ZNF287: variants seen among roughly 807,000 people sequenced by gnomAD.
The protein encoded by ZNF287 is zinc finger protein 287.
Under a neutral mutation model 73.7 loss-of-function variants are expected in ZNF287, and 31 were observed. The ratio of observed to expected loss-of-function variants is 0.42; its 90% confidence interval spans 0.32 to 0.57. The LOEUF is 0.57. Among genes scored for constraint, ZNF287 ranks in the 20% least tolerant of loss-of-function variants. ZNF287 has a pLI of 0.13. For synonymous variants in ZNF287, 301 were observed against 307.2 expected (o/e 0.98, Z 0.21); for missense variants, 641 against 909.3 (o/e 0.70, Z 3.79).
Position 16,548,748 on chromosome 17 carries a change from C to T in ZNF287, c.*3108G>A, listed in dbSNP as rs759974820. Among the ~76,000 whole-genome samples, 2 of 152,018 alleles carry T rather than the reference C, an allele frequency of 1.3e-5. No individual in the cohort carries two copies. Among genetic ancestry groups the T allele is most frequent in the Admixed American group, 6.6e-5 (1 of 15,254 alleles). ...CTGGGAGGCGGACCTTGCAGTGAGCCGAGATTGCACCACTGCACTCTGGCC... is the reference window on the plus strand; with the variant it reads ...CTGGGAGGCGGACCTTGCAGTGAGCTGAGATTGCACCACTGCACTCTGGCC... On this transcript the variant is annotated 3_prime_UTR_variant, in exon 6 of 6. Coordinates refer to ENST00000395825, the MANE Select transcript of ZNF287 (RefSeq NM_020653.4).
chr17:16,558,792 C>T (rs944248780), intron 5 of ZNF287, among the ~76,000 whole-genome samples: 5 of 152,168 alleles, frequency 3.3e-5, no homozygotes, highest in African/African-American at 1.2e-4. Flanking sequence ...GTCTGGGAAA[C>T]ATGGCAAGAC....
At chr17:16,563,658 G>A (rs1907576894) in intron 4 of ZNF287, 41 bp downstream of exon 4, 2 of 1,575,568 alleles carry the variant, frequency 1.3e-6, no homozygotes, top group Non-Finnish European at 1.7e-6. Context: ...CATTTTTAAT[G>A]GGAACAGGCT....
rs773430810 is a variant in ZNF287, at chr17:16,553,157, C to A, written c.985G>T (p.Val329Leu). 2.5e-6 allele frequency: 4 copies of A among 1,608,360 alleles called. No homozygotes were observed. The highest frequency in any genetic ancestry group is 2.2e-5 in the East Asian group (1 of 44,862). Residue 329 changes from valine to leucine, a missense_variant, in exon 6 of 6, where the codon GTA becomes TTA. Val to Leu is a conservative substitution (Grantham distance 32, BLOSUM62 1). Coordinates refer to ENST00000395825, the MANE Select transcript of ZNF287 (RefSeq NM_020653.4). Reference protein sequence around the residue: ...NNFEKHSNLIVQFDTQLDNKT... With the variant: ...NNFEKHSNLILQFDTQLDNKT... The stretch of plus-strand genomic sequence containing the variant: ...TTATCTAATTGGGTATCAAACTGTA[C>A]AATTAGGTTTGAATGCTTTTCAAAA...
intron 3 of ZNF287, among the ~76,000 whole-genome samples, chr17:16,564,964 G>C (rs897169378): frequency 6.6e-6 from 1 of 151,926 alleles, no homozygotes; most frequent in Non-Finnish European, 1.5e-5. Flanking sequence ...AGGTGATGCA[G>C]CTGCCTTGGC....
At position 16,567,640 on chromosome 17, in the gene ZNF287, T is replaced by C. The variant is rs1277937420; in HGVS notation, c.92A>G (p.Asn31Ser). ...TGAAGTAAGGATTTCCTTCTCAACA[T>C]TGTAGGGTCCACTCTGAGCCTTGTC... ...KSDKAQSGPYNVEKEILTSRF... is the reference protein window; with the variant it reads ...KSDKAQSGPYSVEKEILTSRF... Residue 31 changes from asparagine (N) to serine (S), a missense_variant, in exon 2 of 6, where the codon AAT becomes AGT. Around this residue, in one of 2 missense-constraint regions of ZNF287, gnomAD observed 357 missense variants for 442.4 expected, o/e 0.81. Coordinates refer to ENST00000395825, the MANE Select transcript of ZNF287 (RefSeq NM_020653.4). 5.6e-6 allele frequency: 9 copies of C among 1,614,202 alleles called. No homozygotes were observed. The highest frequency in any genetic ancestry group is 7.6e-6 in the Non-Finnish European group (9 of 1,180,020).
At position 16,551,794 on chromosome 17, in the gene ZNF287, T is replaced by C. The variant is rs1461731265; in HGVS notation, c.*62A>G. The C allele has an allele frequency of 8.6e-6, 13 of 1,519,210 alleles. No individual in the cohort carries two copies. The highest frequency in any genetic ancestry group is 1.3e-5 in the South Asian group (1 of 75,208). The allele number at this position is 1,519,210 out of a possible 1,614,324, so 94.1% of individuals were successfully genotyped here. The stretch of plus-strand genomic sequence containing the variant: ...GACTTCTTCTGAATGTTCTGACACA[T>C]AGAATGCACAAAACAAAATTGAAAC... On this transcript the variant is annotated 3_prime_UTR_variant, in exon 6 of 6. Transcript: ENST00000395825.
chr17:16,565,011 C>T lies in ZNF287; in HGVS notation c.502-1186G>A, dbSNP rs544212021. On this transcript the variant is annotated intron_variant, in intron 3 of 5. Transcript: ENST00000395825. ...ATAGGATGACAGGTGTGAGCCACTG[C>T]GCCTGGCCACGTGTTTATTTTTTCA... 5.3e-5 allele frequency among the ~76,000 whole-genome samples: 8 copies of T among 151,922 alleles called. No homozygotes were observed. The South Asian group carries it at 1.5e-3, about 28-fold the overall frequency.
Position 16,567,333 on chromosome 17 carries a change from C to G in ZNF287, c.399G>C (p.Glu133Asp). 1 of 1,610,994 alleles carries G rather than the reference C, an allele frequency of 6.2e-7. No homozygotes were observed. Residue 133 changes from glutamate to aspartate, a missense_variant, in exon 2 of 6, where the codon GAG (glutamate) becomes GAC (aspartate). Transcript: ENST00000395825. ...LVEDLTQILE[E>D]EAPQNSTLSQ... ...TCTCTGCTCTATGATTCTCACCTTC[C>G]TCTTCTAGAATCTGAGTCAAATCCT...
chr17:16,561,018 A>C (rs1416094006), intron 5 of ZNF287, among the ~76,000 whole-genome samples: 1 of 150,942 alleles, frequency 6.6e-6, no homozygotes, highest in Non-Finnish European at 1.5e-5. Flanking sequence ...AAAAAGAAAG[A>C]AAATCACCAT....
intron 5 of ZNF287, among the ~76,000 whole-genome samples, chr17:16,562,039 C>T (rs1415210204): frequency 1.3e-5 from 2 of 152,084 alleles, no homozygotes; most frequent in African/African-American, 4.8e-5. Flanking sequence ...AGTGCAAAAA[C>T]CTTTGTATAG....
At position 16,551,943 on chromosome 17, in the gene ZNF287, T is replaced by TGCATAG. The variant is rs1569012283; in HGVS notation, c.2193_2198dup (p.Tyr732_Ala733dup). The TGCATAG allele has an allele frequency of 6.2e-7, 1 of 1,614,120 alleles. No individual in the cohort carries two copies. Among genetic ancestry groups the TGCATAG allele is most frequent in the South Asian group, 1.1e-5 (1 of 91,080 alleles). ...TGAAGGTTTTACCACATATACGACA[T>TGCATAG]GCATAGGGTTTCTCTCCTGTGTGAA... On this transcript the variant is annotated inframe_insertion, in exon 6 of 6. Transcript: ENST00000395825.
At position 16,547,293 on chromosome 17, in the gene ZNF287, A is replaced by C. The variant is rs935986919; in HGVS notation, c.*4563T>G. Among the ~76,000 whole-genome samples, 3 of 152,208 alleles carry C rather than the reference A, an allele frequency of 2.0e-5. No homozygotes were observed. Among genetic ancestry groups the C allele is most frequent in the African/African-American group, 7.2e-5 (3 of 41,448 alleles). ...CGTAAGTTATAGACATATAATAGTT[A>C]AAACACAACGTATTAGGTATACATC... On this transcript the variant is annotated 3_prime_UTR_variant, in exon 6 of 6. Transcript: ENST00000395825.
intron 5 of ZNF287, chr17:16,559,400 G>A (rs953790999): frequency 2.6e-5 from 4 of 152,116 alleles, no homozygotes; most frequent in Admixed American, 6.5e-5. Flanking sequence ...ATTTTTGTGT[G>A]TAACATATGA....
rs1907830401 is a variant in ZNF287, at chr17:16,567,632, T to C, written c.100A>G (p.Lys34Glu). ...AAGAATCTTGAAGTAAGGATTTCCT[T>C]CTCAACATTGTAGGGTCCACTCTGA... ...KAQSGPYNVE[K>E]EILTSRFLRD... Residue 34 changes from lysine to glutamate, a missense_variant, in exon 2 of 6, where the codon AAG becomes GAG. This residue lies in a region of ZNF287 where 357 missense variants were observed against 442.4 expected (regional missense o/e 0.81). Transcript: ENST00000395825. 4 of 1,614,062 alleles carry C rather than the reference T, an allele frequency of 2.5e-6. No homozygotes were observed. The highest frequency in any genetic ancestry group is 3.4e-6 in the Non-Finnish European group (4 of 1,180,038).
chr17:16,555,806 C>A (rs1474104226), intron 5 of ZNF287, among the ~76,000 whole-genome samples: 1 of 152,132 alleles, frequency 6.6e-6, no homozygotes, highest in Non-Finnish European at 1.5e-5. Context: ...AAACATATAA[C>A]TTGCAAATAT....
In ZNF287 at chr17:16,567,831, A is replaced by C; in HGVS notation, c.-100T>G. 1 of 1,497,792 alleles carries C rather than the reference A, an allele frequency of 6.7e-7. No individual in the cohort carries two copies. Among genetic ancestry groups the C allele is most frequent in the South Asian group, 1.4e-5 (1 of 73,050 alleles). The allele number at this position is 1,497,792 out of a possible 1,614,324, so 92.8% of individuals were successfully genotyped here. A position where few individuals can be genotyped will look rare whatever the true frequency, so the allele number is the denominator to read the frequency against. On this transcript the variant is annotated 5_prime_UTR_variant, in exon 2 of 6. Transcript: ENST00000395825. ...GCTAGAGTCACAAGGACACTATATC[A>C]AAGGCTGCTGCAGCCGAGGGCAGAA...
In ZNF287 at chr17:16,548,446, TA is replaced by T. The variant is rs1318518977; in HGVS notation, c.*3409del. On this transcript the variant is annotated 3_prime_UTR_variant, in exon 6 of 6. Transcript: ENST00000395825. ...GGTACCGGAACAACCCACATGTAAA[TA>T]ATCAGTTGAATCCTGAACATGAGAC... Among the ~76,000 whole-genome samples the T allele has an allele frequency of 6.6e-6, 1 of 152,146 alleles. No homozygotes were observed. Among genetic ancestry groups the T allele is most frequent in the Non-Finnish European group, 1.5e-5 (1 of 68,024 alleles).
intron 5 of ZNF287, among the ~76,000 whole-genome samples, chr17:16,561,492 C>A (rs1218566364): frequency 1.3e-5 from 2 of 152,160 alleles, no homozygotes; most frequent in African/African-American, 4.8e-5. Flanking sequence ...TTAAAAAGGA[C>A]AGATCCTGTA....
chr17:16,567,233 G>A, intron 2 of ZNF287, 96 bp downstream of exon 2: 4 of 1,480,820 alleles, frequency 2.7e-6, no homozygotes, highest in Non-Finnish European at 3.6e-6. Flanking sequence ...ACCTCTCAGT[G>A]CTCTCCCTGA....
Sources: allele counts gnomAD v4.1 joint callset (sites outside exome capture counted in the v4.1 genomes callset), GRCh38; gene constraint gnomAD v4.1.1; regional missense constraint gnomAD v4.1.1; transcripts MANE v1.5; gene names NCBI Gene and HGNC (gene_info 2026-07-23, HGNC 2026-07-21).